Variants in ANKRD13C observed in about 807,000 individuals in gnomAD.
ANKRD13C encodes ankyrin repeat domain 13C.
Under a neutral mutation model 65.5 loss-of-function variants are expected in ANKRD13C, and 16 were observed. The ratio of observed to expected loss-of-function variants is 0.24; its 90% CI spans 0.17 to 0.37. ANKRD13C has a LOEUF of 0.37. Among genes scored for constraint, ANKRD13C ranks in the 10% least tolerant of loss-of-function variants. The pLI is 1.00. For missense variants in ANKRD13C, 503 were observed against 655.9 expected (o/e 0.77, Z 2.55); for synonymous variants, 235 against 238.7 (o/e 0.98, Z 0.14).
intron 1 of ANKRD13C, among the ~76,000 whole-genome samples, chr1:70,337,239 T>A (rs551599193): frequency 1.3e-5 from 2 of 151,998 alleles, no homozygotes; most frequent in South Asian, 4.1e-4. Context: ...AGCAAAATAC[T>A]ATTTTGAGCA....
At chr1:70,299,744 G>A (rs1051961733) in intron 7 of ANKRD13C, among the ~76,000 whole-genome samples, 1 of 152,140 alleles carries the variant, frequency 6.6e-6, no homozygotes, top group Non-Finnish European at 1.5e-5. Context: ...AAAGTAGCAA[G>A]GTTAGTTTTA....
intron 3 of ANKRD13C, among the ~76,000 whole-genome samples, chr1:70,323,679 AG>A (rs1254140901): frequency 6.6e-6 from 1 of 151,890 alleles, no homozygotes; most frequent in East Asian, 1.9e-4. Flanking sequence ...TATAAAGTTC[AG>A]GAAGTCCACA....
At chr1:70,311,625 C>T (rs1294930342) in intron 5 of ANKRD13C, among the ~76,000 whole-genome samples, 1 of 152,136 alleles carries the variant, frequency 6.6e-6, no homozygotes, top group East Asian at 1.9e-4. Context: ...AGTAGTCATA[C>T]GAAATGTTAA....
chr1:70,317,852 A>C (rs759955694), intron 3 of ANKRD13C, among the ~76,000 whole-genome samples: 1 of 152,054 alleles, frequency 6.6e-6, no homozygotes, highest in African/African-American at 2.4e-5. Flanking sequence ...CCTAGATAAA[A>C]AGGGTCTTTC....
chr1:70,274,950 T>C, intron 10 of ANKRD13C, 132 bp from the exon 11 acceptor site: 1 of 599,982 alleles, frequency 1.7e-6, no homozygotes, highest in Middle Eastern at 3.5e-4. Context: ...GAAATAAAGT[T>C]ATGCTAAAAG....
Position 70,354,590 on chromosome 1 carries a change from C to G in ANKRD13C, c.-182G>C. The G allele has an allele frequency of 1.5e-6, 2 of 1,374,582 alleles. No individual in the cohort carries two copies. 85.1% of individuals were successfully genotyped at this position (1,374,582 alleles called of 1,614,324 possible). Reference sequence around the variant, plus strand: ...GGGGAAGAGCCGGCTCTCGCCTAGGCACGAAGGGACGCGCGCTCGCTGGGG... The same window carrying G: ...GGGGAAGAGCCGGCTCTCGCCTAGGGACGAAGGGACGCGCGCTCGCTGGGG... On this transcript the variant is annotated 5_prime_UTR_variant, in exon 1 of 13. Coordinates refer to ENST00000370944, the MANE Select transcript of ANKRD13C (RefSeq NM_030816.5).
At chr1:70,293,169 T>C (rs1428782454) in intron 8 of ANKRD13C, among the ~76,000 whole-genome samples, 3 of 152,082 alleles carry the variant, frequency 2.0e-5, no homozygotes, top group African/African-American at 7.2e-5. Context: ...TCAAGTGGTG[T>C]AAAGGACATC....
intron 9 of ANKRD13C, among the ~76,000 whole-genome samples, chr1:70,285,390 T>C (rs1441328897): frequency 6.6e-6 from 1 of 151,922 alleles, no homozygotes; most frequent in Non-Finnish European, 1.5e-5. Flanking sequence ...ATATGGGGTT[T>C]CACCACGTTG....
At chr1:70,268,744 A>G (rs905700687) in intron 12 of ANKRD13C, among the ~76,000 whole-genome samples, 4 of 152,202 alleles carry the variant, frequency 2.6e-5, no homozygotes, top group African/African-American at 9.6e-5. Flanking sequence ...AAGAGGGTCA[A>G]ATTTAGTCTT....
Position 70,290,745 on chromosome 1 carries a change from G to A in ANKRD13C, c.1215+1643C>T, listed in dbSNP as rs985664283. On this transcript the variant is annotated intron_variant, in intron 9 of 12. Transcript: ENST00000370944. The stretch of plus-strand genomic sequence containing the variant: ...TTAATTTTTTATTTTTTTAGTAGAG[G>A]CAGGGTCTTGCTCTGTTGCCCAGGC... Among the ~76,000 whole-genome samples, 5 of 151,844 alleles carry A rather than the reference G, an allele frequency of 3.3e-5. No homozygotes were observed. The East Asian group carries it at 7.8e-4, about 24-fold the overall frequency.
intron 2 of ANKRD13C, among the ~76,000 whole-genome samples, chr1:70,333,681 A>C (rs188977600): frequency 4.6e-5 from 7 of 152,324 alleles, no homozygotes; most frequent in Non-Finnish European, 8.8e-5. Context: ...CAGAAAGTCA[A>C]CTTAGGATCC....
intron 8 of ANKRD13C, among the ~76,000 whole-genome samples, chr1:70,295,150 A>G (rs1222006113): frequency 6.6e-6 from 1 of 152,138 alleles, no homozygotes; most frequent in South Asian, 2.1e-4. Flanking sequence ...ATAGAAGTCA[A>G]TCTTGACCCT....
chr1:70,320,687 C>G (rs1188689960), intron 3 of ANKRD13C, among the ~76,000 whole-genome samples: 2 of 151,754 alleles, frequency 1.3e-5, no homozygotes, highest in Non-Finnish European at 2.9e-5. Flanking sequence ...CCCTATAATT[C>G]CTAATTTTCT....
intron 3 of ANKRD13C, among the ~76,000 whole-genome samples, chr1:70,318,977 G>A (rs997420433): frequency 1.2e-4 from 18 of 151,916 alleles, no homozygotes; most frequent in Non-Finnish European, 2.2e-4. Flanking sequence ...CACCACGCCC[G>A]GCTAAACCTT....
intron 7 of ANKRD13C, among the ~76,000 whole-genome samples, chr1:70,299,609 G>A (rs1680239180): frequency 6.6e-6 from 1 of 152,190 alleles, no homozygotes; most frequent in Non-Finnish European, 1.5e-5. Flanking sequence ...CCAGATATGT[G>A]CTCTGATGAG....
At chr1:70,314,712 T>C (rs796544426) in intron 4 of ANKRD13C, among the ~76,000 whole-genome samples, 10 of 151,866 alleles carry the variant, frequency 6.6e-5, no homozygotes, top group African/African-American at 2.4e-4. Flanking sequence ...AAAACATTTT[T>C]CTGGCTTTTT....
In ANKRD13C at chr1:70,354,506, G is replaced by C; in HGVS notation, c.-98C>G. On this transcript the variant is annotated 5_prime_UTR_variant, in exon 1 of 13. Coordinates refer to ENST00000370944, the MANE Select transcript of ANKRD13C (RefSeq NM_030816.5). Reference sequence around the variant, plus strand: ...AAGGCGATTAGAGCGGTGGCCAAGAGCCTCCAGCGCAGCATGAACTCCCAC... The same window carrying C: ...AAGGCGATTAGAGCGGTGGCCAAGACCCTCCAGCGCAGCATGAACTCCCAC... 6.8e-7 allele frequency: 1 copy of C among 1,462,794 alleles called. No homozygotes were observed. The highest frequency in any genetic ancestry group is 2.5e-5 in the East Asian group (1 of 40,748). The allele number at this position is 1,462,794 out of a possible 1,614,324, so 90.6% of individuals were successfully genotyped here. A position where few individuals can be genotyped will look rare whatever the true frequency, so the allele number is the denominator to read the frequency against.
intron 3 of ANKRD13C, among the ~76,000 whole-genome samples, chr1:70,317,843 C>T (rs907683008): frequency 3.3e-5 from 5 of 151,950 alleles, no homozygotes; most frequent in African/African-American, 1.2e-4. Flanking sequence ...AATTCAATTC[C>T]TAGATAAAAA....
intron 9 of ANKRD13C, among the ~76,000 whole-genome samples, chr1:70,280,940 C>A (rs1196660103): frequency 6.6e-6 from 1 of 151,804 alleles, no homozygotes; most frequent in Non-Finnish European, 1.5e-5. Flanking sequence ...CTCAAGAGAT[C>A]CTTAGGATTT....
Sources: allele counts gnomAD v4.1 joint callset (sites outside exome capture counted in the v4.1 genomes callset), GRCh38; gene constraint gnomAD v4.1.1; transcripts MANE v1.5; gene names NCBI Gene and HGNC (gene_info 2026-07-23, HGNC 2026-07-21).